Variants in EML3 observed in about 807,000 individuals in gnomAD.
EML3 encodes EMAP like 3, also known as echinoderm microtubule-associated protein-like 3.
A neutral mutation model predicts 106.7 loss-of-function variants in EML3; 53 were observed. The observed-to-expected ratio is 0.50, with a 90% confidence interval of 0.40 to 0.62. EML3 has a LOEUF of 0.62. Ranked by LOEUF, EML3 falls within the 20% of genes least tolerant of loss-of-function variation. The pLI, the probability that EML3 is intolerant of heterozygous loss-of-function variation, is 0.00. For synonymous variants in EML3, 499 were observed against 489.6 expected (o/e 1.02, Z -0.25); for missense variants, 994 against 1,209.1 (o/e 0.82, Z 2.64).
In EML3 at chr11:62,603,171, A is replaced by G; in HGVS notation, c.2334T>C (p.Cys778=). 3 of 1,614,052 alleles carry G rather than the reference A, an allele frequency of 1.9e-6. No individual in the cohort carries two copies. The highest frequency in any genetic ancestry group is 2.5e-6 in the Non-Finnish European group (3 of 1,180,006). The change falls in exon 20 of 22, where the codon TGT becomes TGC. Residue 778 remains cysteine (C), a synonymous_variant. Transcript: ENST00000394773. Reference sequence around the variant, plus strand: ...CACCGTAGACGTGAAAGCCCAGCACACAGGTGTAGGTAGCCCATTCCCGGT... The same window carrying G: ...CACCGTAGACGTGAAAGCCCAGCACGCAGGTGTAGGTAGCCCATTCCCGGT... ...SRDREWATYT[C]VLGFHVYGVW... is the part of the protein sequence containing the mutation.
rs1412078213 is a variant in EML3, at chr11:62,608,877, A to G, written c.930-72T>C. On this transcript the variant is annotated intron_variant, in intron 7 of 21. Transcript: ENST00000394773. ...TCCAAGACACCTTCTCCAAGCTTGC[A>G]GAGCAGCAAGGCAACTCTTTTCTCC... 1.9e-6 allele frequency: 3 copies of G among 1,580,894 alleles called. No homozygotes were observed. In the East Asian group the frequency reaches 6.7e-5, roughly 35 times the overall value.
At chr11:62,608,392 G>T in intron 9 of EML3, 96 bp from the exon 10 acceptor site, 1 of 1,385,258 alleles carries the variant, frequency 7.2e-7, no homozygotes. Flanking sequence ...AGATGGAGAG[G>T]GCAGAAAAAG....
Position 62,603,990 on chromosome 11 carries a change from C to T in EML3, c.2123G>A (p.Ser708Asn). Residue 708 changes from serine (S) to asparagine (N), a missense_variant, in exon 18 of 22, where the codon AGT becomes AAT. Ser to Asn is a conservative substitution (Grantham distance 46). Coordinates refer to ENST00000394773, the MANE Select transcript of EML3 (RefSeq NM_153265.3). ...GGATTTGGCACCATCACTGGAAACA[C>T]TATAGATGTAGATCACGTTGTCATG... is the stretch of plus-strand genomic sequence containing the variant. Reference protein sequence around the residue: ...GSHDNVIYIYSVSSDGAKSSR... With the variant: ...GSHDNVIYIYNVSSDGAKSSR... 6.2e-7 allele frequency: 1 copy of T among 1,614,152 alleles called. No homozygotes were observed. The highest frequency in any genetic ancestry group is 8.5e-7 in the Non-Finnish European group (1 of 1,180,036).
chr11:62,606,282 G>A, intron 12 of EML3, 68 bp from the exon 13 acceptor site: 2 of 1,552,662 alleles, frequency 1.3e-6, no homozygotes, highest in Non-Finnish European at 1.7e-6. Flanking sequence ...GGCCAGCTTG[G>A]CTGTCGCAAT....
rs1188531515 is a variant in EML3, at chr11:62,602,284, C to T, written c.*191G>A. On this transcript the variant is annotated 3_prime_UTR_variant, in exon 22 of 22. Transcript: ENST00000394773. ...GAGTCAAGGCCTAGGCTGGGGCTGC[C>T]CGGCTCAGCCAGCGGGTCTAAACAG... is the stretch of plus-strand genomic sequence containing the variant. 1 of 1,550,506 alleles carries T rather than the reference C, an allele frequency of 6.4e-7. No individual in the cohort carries two copies. Among genetic ancestry groups the T allele is most frequent in the Non-Finnish European group, 8.7e-7 (1 of 1,146,772 alleles).
At chr11:62,608,373 T>A in intron 9 of EML3, 77 bp from the exon 10 acceptor site, 1 of 1,434,258 alleles carries the variant, frequency 7.0e-7, no homozygotes, top group Non-Finnish European at 9.8e-7. Context: ...GGTTAAGAGG[T>A]ACCATCACAG....
At chr11:62,611,717 G>C in intron 1 of EML3, 121 bp from the exon 2 acceptor site, 1 of 1,170,402 alleles carries the variant, frequency 8.5e-7, no homozygotes, top group Non-Finnish European at 1.2e-6. Context: ...GGCAGCCCCA[G>C]GCTTGAATGC....
In EML3 at chr11:62,611,358, G is replaced by A. The variant is rs751248599; in HGVS notation, c.195-14C>T. The A allele has an allele frequency of 4.3e-6, 7 of 1,613,362 alleles. No individual in the cohort carries two copies. In the South Asian group the frequency reaches 4.4e-5, roughly 10 times the overall value. ...GGGGCTGCAAGACTGCTGGAGAGAT[G>A]TTGAATTAACCTGAAGCCCCAGAGG... On this transcript the variant is annotated splice_polypyrimidine_tract_variant and intron_variant, in intron 2 of 21. Transcript: ENST00000394773.
chr11:62,602,227 G>A lies in EML3; in HGVS notation c.*248C>T. 4 of 1,526,918 alleles carry A rather than the reference G, an allele frequency of 2.6e-6. No individual in the cohort carries two copies. In the South Asian group the frequency reaches 4.9e-5, roughly 19 times the overall value. The allele number at this position is 1,526,918 out of a possible 1,614,324, so 94.6% of individuals were successfully genotyped here. ...ACAAAAGCACCGGGAGGCGACTTTGGTTCTGGTTTATTGCCCCTCAGCAGG... is the reference window on the plus strand; with the variant it reads ...ACAAAAGCACCGGGAGGCGACTTTGATTCTGGTTTATTGCCCCTCAGCAGG... On this transcript the variant is annotated 3_prime_UTR_variant, in exon 22 of 22. Coordinates refer to ENST00000394773, the MANE Select transcript of EML3 (RefSeq NM_153265.3).
At position 62,605,601 on chromosome 11, in the gene EML3, G is replaced by A. The variant is rs768873843; in HGVS notation, c.1914+41C>T. 6.6e-7 allele frequency: 1 copy of A among 1,510,392 alleles called. No homozygotes were observed. Among genetic ancestry groups the A allele is most frequent in the Admixed American group, 2.3e-5 (1 of 44,426 alleles). 93.6% of individuals were successfully genotyped at this position (1,510,392 alleles called of 1,614,324 possible). ...AAGGCGTGGTGGCCACAGGTGTCCT[G>A]GTGGGTGTGGCATGGGGGATCCAGG... On this transcript the variant is annotated intron_variant, in intron 15 of 21. Transcript: ENST00000394773. This position sits in a 1 kb window ranked among gnomAD's most constrained non-coding sequence, Gnocchi z 5.2.
At chr11:62,606,856 C>CCAAA (rs71458426) in intron 12 of EML3, 102 bp downstream of exon 12, 500 of 916,610 alleles carry the variant, frequency 5.5e-4, no homozygotes, top group Middle Eastern at 2.0e-3. Context: ...GACCTCATCT[C>CCAAA]AAAAAAAAAA....
chr11:62,603,389 C>T, intron 19 of EML3, 142 bp from the exon 20 acceptor site: 3 of 747,568 alleles, frequency 4.0e-6, no homozygotes, highest in Admixed American at 4.5e-5. Context: ...ACCTCCTCCC[C>T]CTGTGAAACC....
At position 62,602,286 on chromosome 11, in the gene EML3, G is replaced by A. The variant is rs1942247523; in HGVS notation, c.*189C>T. 6.4e-7 allele frequency: 1 copy of A among 1,550,430 alleles called. No homozygotes were observed. Among genetic ancestry groups the A allele is most frequent in the African/African-American group, 1.4e-5 (1 of 73,030 alleles). On this transcript the variant is annotated 3_prime_UTR_variant, in exon 22 of 22. Coordinates refer to ENST00000394773, the MANE Select transcript of EML3 (RefSeq NM_153265.3). ...GTCAAGGCCTAGGCTGGGGCTGCCCGGCTCAGCCAGCGGGTCTAAACAGTG... is the reference window on the plus strand; with the variant it reads ...GTCAAGGCCTAGGCTGGGGCTGCCCAGCTCAGCCAGCGGGTCTAAACAGTG...
At position 62,606,812 on chromosome 11, in the gene EML3, G is replaced by A. The variant is rs995596607; in HGVS notation, c.1504+146C>T. 1.4e-5 allele frequency: 12 copies of A among 850,498 alleles called. No individual in the cohort carries two copies. The East Asian group carries it at 1.5e-4, about 11-fold the overall frequency. The allele number at this position is 850,498 out of a possible 1,614,324, so 52.7% of individuals were successfully genotyped here. A position where few individuals can be genotyped will look rare whatever the true frequency, so the allele number is the denominator to read the frequency against. Reference sequence around the variant, plus strand: ...GCAGAGGTTGCAGTGAACCAAGATCGCGCCACTGCAATCCAGCCTGGGCAA... The same window carrying A: ...GCAGAGGTTGCAGTGAACCAAGATCACGCCACTGCAATCCAGCCTGGGCAA... On this transcript the variant is annotated intron_variant, in intron 12 of 21. Transcript: ENST00000394773.
rs1285697467 is a variant in EML3, at chr11:62,612,462, C to T, written c.-5G>A. 4.1e-6 allele frequency: 6 copies of T among 1,450,654 alleles called. No individual in the cohort carries two copies. Among genetic ancestry groups the T allele is most frequent in the Non-Finnish European group, 5.4e-6 (6 of 1,109,482 alleles). 89.9% of individuals were successfully genotyped at this position (1,450,654 alleles called of 1,614,324 possible). On this transcript the variant is annotated 5_prime_UTR_variant, in exon 1 of 22. Coordinates refer to ENST00000394773, the MANE Select transcript of EML3 (RefSeq NM_153265.3). The stretch of plus-strand genomic sequence containing the variant: ...GGGCCCCGCGGCCCCGTCCATCCGG[C>T]CCCCGGGTTGCTCCGAGCGGCGGCG...
chr11:62,611,489 G>A lies in EML3; in HGVS notation c.130C>T (p.Leu44=), dbSNP rs747171329. 1.2e-6 allele frequency: 2 copies of A among 1,613,772 alleles called. No individual in the cohort carries two copies. Among genetic ancestry groups the A allele is most frequent in the East Asian group, 4.5e-5 (2 of 44,882 alleles). Residue 44 remains leucine, a synonymous_variant, in exon 2 of 22, where the codon CTG becomes TTG. Transcript: ENST00000394773. The stretch of plus-strand genomic sequence containing the variant: ...GAGGAAGGGGGCACCTGCAGCCGCA[G>A]CAGGCGAAGGGCTTCTGCCAGGGCT... ...KAALAEALRL[L]RLQVPPSSLQ...
rs886630121 is a variant in EML3 at position 62,612,376 on chromosome 11, T to C, written c.22+60A>G. 4.7e-6 allele frequency: 7 copies of C among 1,479,360 alleles called. No homozygotes were observed. In the South Asian group the frequency reaches 4.9e-5, roughly 10 times the overall value. 91.6% of individuals were successfully genotyped at this position (1,479,360 alleles called of 1,614,324 possible). ...TCCAGACAGCCGTCCAGCTCTGGCA[T>C]AACCCGACGAGCCGGGCGCTCCGGG... On this transcript the variant is annotated intron_variant, in intron 1 of 21. Coordinates refer to ENST00000394773, the MANE Select transcript of EML3 (RefSeq NM_153265.3).
At position 62,602,473 on chromosome 11, in the gene EML3, G is replaced by A. The variant is rs775685924; in HGVS notation, c.*2C>T. The stretch of plus-strand genomic sequence containing the variant: ...GGGCCAGTCGGTCCCGCCAGGCAGC[G>A]ATCAAACGTCGAGGGAGGAGGCGGG... On this transcript the variant is annotated 3_prime_UTR_variant, in exon 22 of 22. Transcript: ENST00000394773. The A allele has an allele frequency of 6.5e-7, 1 of 1,540,000 alleles. No individual in the cohort carries two copies. The highest frequency in any genetic ancestry group is 1.2e-5 in the South Asian group (1 of 83,502).
At position 62,602,618 on chromosome 11, in the gene EML3, C is replaced by T. The variant is rs1433597227; in HGVS notation, c.2548G>A (p.Asp850Asn). Residue 850 changes from aspartate (D) to asparagine (N), a missense_variant, in exon 22 of 22, where the codon GAC (aspartate) becomes AAC (asparagine). Physicochemically the swap from Asp to Asn is conservative, Grantham distance 23. Coordinates refer to ENST00000394773, the MANE Select transcript of EML3 (RefSeq NM_153265.3). ...SHVTSVRFTH[D>N]DSHLVSLGGK... ...CCCAGCGAGACGAGGTGCGAGTCGT[C>T]GTGCGTGAATCGGACGCTGGTCACG... is the stretch of plus-strand genomic sequence containing the variant. The T allele has an allele frequency of 3.8e-6, 6 of 1,578,718 alleles. No homozygotes were observed. Among genetic ancestry groups the T allele is most frequent in the Admixed American group, 1.8e-5 (1 of 56,290 alleles).
Sources: gnomAD v4.1 joint callset for allele counts on GRCh38, gnomAD v4.1.1 for gene constraint, Gnocchi (gnomAD v3.1) non-coding constraint, MANE v1.5 for transcripts, NCBI Gene and HGNC (gene_info 2026-07-23, HGNC 2026-07-21) for gene names.